The following PHLDB2 variants were observed in gnomAD, a reference collection of about 807,000 sequenced individuals.
The protein encoded by PHLDB2 is pleckstrin homology-like domain family B member 2.
Under a neutral mutation model 123.6 loss-of-function variants are expected in PHLDB2, and 71 were observed. The observed-to-expected ratio is 0.57, with a 90% CI of 0.47 to 0.70. The LOEUF is 0.70. Among genes scored for constraint, PHLDB2 ranks in the 30% least tolerant of loss-of-function variants. The pLI is 0.00. For missense variants in PHLDB2, 1,446 were observed against 1,519.5 expected, an observed-to-expected ratio of 0.95 and a Z score of 0.80; for synonymous variants, 547 against 541.6, an observed-to-expected ratio of 1.01 and a Z score of -0.14.
At chr3:111,854,187 G>A (rs774913653) in intron 2 of PHLDB2, among the ~76,000 whole-genome samples, 39 of 152,202 alleles carry the variant, frequency 2.6e-4, no homozygotes, top group Non-Finnish European at 2.6e-4. Context: ...CAGATCTCAT[G>A]AGAACTCACT....
At chr3:111,948,249 G>A (rs1390258385) in intron 9 of PHLDB2, among the ~76,000 whole-genome samples, 1 of 144,946 alleles carries the variant, frequency 6.9e-6, no homozygotes, top group African/African-American at 2.8e-5. Flanking sequence ...AGGACTCCGT[G>A]TGTGTGTGTG....
chr3:111,738,660 A>G (rs2107915378), intron 1 of PHLDB2, among the ~76,000 whole-genome samples: 1 of 152,184 alleles, frequency 6.6e-6, no homozygotes, highest in South Asian at 2.1e-4. Context: ...GCCTGTGTGT[A>G]TGTATCTGTG....
Position 111,831,058 on chromosome 3 carries a change from GAGAGAT to G in PHLDB2, c.-48-14757_-48-14752del, listed in dbSNP as rs1318187528. 2.7e-5 allele frequency among the ~76,000 whole-genome samples: 4 copies of G among 149,322 alleles called. 1 individual carries two copies. Among genetic ancestry groups the G allele is most frequent in the Non-Finnish European group, 5.9e-5 (4 of 67,262 alleles). On this transcript the variant is annotated intron_variant, in intron 1 of 17. Transcript: ENST00000393923. ...GGAAGGAAGGAAGAAAGAGAAAAGA[GAGAGAT>G]AGAGAGAAAAGAAGGAAGAAAGAAA...
At position 111,949,063 on chromosome 3, in the gene PHLDB2, A is replaced by G. The variant is rs939942447; in HGVS notation, c.2619A>G (p.Pro873=). ...CCACAGCTGTGCTGGCGAGCCAGCC[A>G]CAGAGTAAAGAGGTGTGTAGGCATG... The part of the protein sequence containing the change: ...EPATAVLASQ[P]QSKEHFRSLE... The change falls in exon 10 of 18, where the codon CCA becomes CCG. Residue 873 remains proline, a synonymous_variant. Coordinates refer to ENST00000431670, the MANE Select transcript of PHLDB2 (RefSeq NM_001134438.2). The G allele has an allele frequency of 3.1e-6, 5 of 1,613,744 alleles. No homozygotes were observed. Among genetic ancestry groups the G allele is most frequent in the Non-Finnish European group, 4.2e-6 (5 of 1,179,958 alleles).
chr3:111,857,460 A>AAAAAAG (rs71131985), upstream of PHLDB2, among the ~76,000 whole-genome samples: 20,374 of 80,234 alleles, frequency 0.25, 1,710 homozygotes, highest in Non-Finnish European at 0.31. Context: ...CAAAAAAAAA[A>AAAAAAG]AAAAGAAAAG....
At position 111,807,946 on chromosome 3, in the gene PHLDB2, G is replaced by GTTTTT. The variant is rs11418818; in HGVS notation, c.-48-37861_-48-37857dup. ...GGACCATTTTATAAATAAGCTGGGT[G>GTTTTT]TTTTTTTTTTTTTTTTTTGCCTAAT... is the stretch of plus-strand genomic sequence containing the variant. On this transcript the variant is annotated intron_variant, in intron 1 of 17. Transcript: ENST00000393923. 1.5e-3 allele frequency among the ~76,000 whole-genome samples: 131 copies of GTTTTT among 86,376 alleles called. 4 individuals carry two copies. Among genetic ancestry groups the GTTTTT allele is most frequent in the African/African-American group, 4.7e-3 (124 of 26,300 alleles). The allele number at this position is 86,376 out of a possible 152,430, so 56.7% of individuals were successfully genotyped here. A position where few individuals can be genotyped will look rare whatever the true frequency, so the allele number is the denominator to read the frequency against.
At chr3:111,961,773 A>G (rs1311794286) in intron 12 of PHLDB2, among the ~76,000 whole-genome samples, 1 of 152,178 alleles carries the variant, frequency 6.6e-6, no homozygotes, top group Admixed American at 6.5e-5. Context: ...ACTTGAACAC[A>G]GCTATTTCTA....
chr3:111,906,749 G>A (rs1393386263), intron 2 of PHLDB2, among the ~76,000 whole-genome samples: 7 of 152,190 alleles, frequency 4.6e-5, no homozygotes, highest in Non-Finnish European at 8.8e-5. Flanking sequence ...CATAACAAAT[G>A]TTGGTCAGTT....
At chr3:111,955,820 A>G (rs2071018203) in intron 12 of PHLDB2, among the ~76,000 whole-genome samples, 1 of 152,224 alleles carries the variant, frequency 6.6e-6, no homozygotes, top group African/African-American at 2.4e-5. Context: ...AAGACCATTA[A>G]GCATTTTCAT....
At chr3:111,911,528 C>T in intron 2 of PHLDB2, 2 of 1,149,530 alleles carry the variant, frequency 1.7e-6, no homozygotes, top group Non-Finnish European at 2.5e-6. Flanking sequence ...CCCCCTGCTT[C>T]CTCCCTATAA....
chr3:111,902,954 TTTTA>T (rs940586727), intron 2 of PHLDB2, among the ~76,000 whole-genome samples: 1 of 152,218 alleles, frequency 6.6e-6, no homozygotes, highest in African/African-American at 2.4e-5. Flanking sequence ...TCAGTTTTTA[TTTTA>T]TTTATTTTTT....
In PHLDB2 at chr3:111,967,933, A is replaced by C. The variant is rs567372668; in HGVS notation, c.3315+109A>C. On this transcript the variant is annotated intron_variant, in intron 15 of 17. Transcript: ENST00000431670. ...GCTTTCCTGGGCACTGAGCATTAGC[A>C]CTTGACATGTAAGGGTTAAGAGAAG... is the stretch of plus-strand genomic sequence containing the variant. 18 of 694,878 alleles carry C rather than the reference A, an allele frequency of 2.6e-5. No individual in the cohort carries two copies. In the African/African-American group the frequency reaches 3.0e-4, roughly 12 times the overall value. 43.0% of individuals were successfully genotyped at this position (694,878 alleles called of 1,614,324 possible).
Position 111,884,822 on chromosome 3 carries a change from A to G in PHLDB2, c.745A>G (p.Met249Val). 1.9e-6 allele frequency: 3 copies of G among 1,614,144 alleles called. No individual in the cohort carries two copies. Among genetic ancestry groups the G allele is most frequent in the Non-Finnish European group, 1.7e-6 (2 of 1,180,008 alleles). ...RKYSSSSLSH[M>V]GAYSRSLPRL... is the part of the protein sequence containing the mutation. ...GTACTCCAGCAGCAGCCTGAGTCAC[A>G]TGGGAGCCTACAGCCGATCACTTCC... The change falls in exon 2 of 18, where the codon ATG becomes GTG. Residue 249 changes from methionine to valine, a missense_variant. By Grantham distance (21) the Met-to-Val change is conservative. Around this residue, in one of 3 missense-constraint regions of PHLDB2, gnomAD observed 832 missense variants for 831.9 expected, o/e 1.00. Coordinates refer to ENST00000431670, the MANE Select transcript of PHLDB2 (RefSeq NM_001134438.2).
At chr3:111,863,085 G>A (rs924474778) in intron 1 of PHLDB2, among the ~76,000 whole-genome samples, 6 of 152,198 alleles carry the variant, frequency 3.9e-5, no homozygotes, top group African/African-American at 1.4e-4. Context: ...TAAATGCTTC[G>A]ATGGGGGAGG....
intron 12 of PHLDB2, chr3:111,956,992 G>A (rs1278710038): frequency 6.6e-6 from 1 of 151,460 alleles, no homozygotes; most frequent in Non-Finnish European, 1.5e-5. Flanking sequence ...ACCTTTTTTT[G>A]CTGCTATTCG....
chr3:111,782,355 T>C (rs2060512727), intron 1 of PHLDB2, among the ~76,000 whole-genome samples: 1 of 151,998 alleles, frequency 6.6e-6, no homozygotes, highest in Non-Finnish European at 1.5e-5. Flanking sequence ...AGTTCAGTGC[T>C]CTCAGTTCCA....
intron 7 of PHLDB2, among the ~76,000 whole-genome samples, chr3:111,939,948 A>G (rs1464516881): frequency 6.6e-6 from 1 of 152,204 alleles, no homozygotes; most frequent in Non-Finnish European, 1.5e-5. Context: ...CTATGAACAA[A>G]GTCTATTTTG....
intron 1 of PHLDB2, among the ~76,000 whole-genome samples, chr3:111,822,373 C>G (rs1032243010): frequency 2.0e-5 from 3 of 150,590 alleles, no homozygotes; most frequent in African/African-American, 7.4e-5. Context: ...AATATTCGAA[C>G]AACTGTTTTC....
In PHLDB2 at chr3:111,749,115, T is replaced by G. The variant is rs574127118; in HGVS notation, c.-49+16412T>G. Among the ~76,000 whole-genome samples the G allele has an allele frequency of 5.3e-3, 728 of 138,636 alleles. 7 individuals are homozygous for G. The highest frequency in any genetic ancestry group is 0.018 in the African/African-American group (649 of 36,664). The allele number at this position is 138,636 out of a possible 152,430, so 91.0% of individuals were successfully genotyped here. The stretch of plus-strand genomic sequence containing the variant: ...ACAAGAGAAGGCTAAAAAAAAAAAA[T>G]AAGAAGAATAAAAATAAAAAATAAA... On this transcript the variant is annotated intron_variant, in intron 1 of 17. Coordinates refer to the PHLDB2 transcript ENST00000393923.
Sources: allele counts gnomAD v4.1 joint callset (sites outside exome capture counted in the v4.1 genomes callset), GRCh38; gene constraint gnomAD v4.1.1; regional missense constraint gnomAD v4.1.1; transcripts MANE v1.5; gene names NCBI Gene and HGNC (gene_info 2026-07-23, HGNC 2026-07-21).